The following CCDC178 variants were observed in gnomAD, a reference collection of about 807,000 sequenced individuals.
CCDC178 encodes coiled-coil domain containing 178, also known as coiled-coil domain-containing protein 178.
In CCDC178, 126 loss-of-function variants were observed where a neutral mutation model predicts 117.4. The observed-to-expected ratio is 1.07, with a 90% CI of 0.93 to 1.24. The LOEUF (loss-of-function observed/expected upper bound fraction) is 1.24. Among genes scored for constraint, CCDC178 ranks in the 50% most tolerant of loss-of-function variants. The pLI is 0.00. For synonymous variants in CCDC178, 283 were observed against 313.4 expected, an observed-to-expected ratio of 0.90 and a Z score of 1.02; for missense variants, 1,030 against 986.9, an observed-to-expected ratio of 1.04 and a Z score of -0.59.
chr18:33,098,832 A>G (rs1366687933), intron 20 of CCDC178, among the ~76,000 whole-genome samples: 1 of 152,042 alleles, frequency 6.6e-6, no homozygotes, highest in African/African-American at 2.4e-5. Flanking sequence ...AATTAAAAAA[A>G]GGATAAGATA....
chr18:33,430,311 T>A (rs983975372), intron 2 of CCDC178, among the ~76,000 whole-genome samples: 2 of 152,226 alleles, frequency 1.3e-5, no homozygotes, highest in Non-Finnish European at 2.9e-5. Flanking sequence ...ATGAAACACT[T>A]TTGATGAAAT....
chr18:33,080,122 T>C lies in CCDC178; in HGVS notation c.2388+12639A>G, dbSNP rs2057274862. Among the ~76,000 whole-genome samples, 3 of 152,086 alleles carry C rather than the reference T, an allele frequency of 2.0e-5. No individual in the cohort carries two copies. In the South Asian group the frequency reaches 6.2e-4, roughly 32 times the overall value. On this transcript the variant is annotated intron_variant, in intron 21 of 22. Transcript: ENST00000383096. ...AAAAAGAATGAGATCATGTCTTTTGTGGGAATGTGGATGGAGCTGGAGGCT... is the reference window on the plus strand; with the variant it reads ...AAAAAGAATGAGATCATGTCTTTTGCGGGAATGTGGATGGAGCTGGAGGCT...
intron 9 of CCDC178, among the ~76,000 whole-genome samples, chr18:33,343,272 A>G (rs772445410): frequency 8.5e-5 from 13 of 152,170 alleles, no homozygotes; most frequent in South Asian, 8.3e-4. Flanking sequence ...TTTGGGTATA[A>G]TATAATATAG....
chr18:33,324,892 A>G (rs1483838867), intron 10 of CCDC178, among the ~76,000 whole-genome samples: 1 of 151,892 alleles, frequency 6.6e-6, no homozygotes, highest in African/African-American at 2.4e-5. Context: ...AAAGTATGGA[A>G]AAAAACTTTA....
intron 21 of CCDC178, among the ~76,000 whole-genome samples, chr18:33,016,546 A>G (rs1188642337): frequency 1.3e-5 from 2 of 152,074 alleles, no homozygotes; most frequent in Non-Finnish European, 2.9e-5. Flanking sequence ...AGACAATTGA[A>G]TAAAGAAATA....
At chr18:33,355,139 T>G (rs925025453) in intron 7 of CCDC178, among the ~76,000 whole-genome samples, 3 of 152,198 alleles carry the variant, frequency 2.0e-5, no homozygotes, top group African/African-American at 7.2e-5. Flanking sequence ...CAAGCTTTCT[T>G]TTCTTTGCAT....
intron 9 of CCDC178, among the ~76,000 whole-genome samples, chr18:33,338,590 T>C (rs958413635): frequency 1.3e-5 from 2 of 152,152 alleles, no homozygotes; most frequent in Non-Finnish European, 2.9e-5. Context: ...AATAATGGCA[T>C]TCACAGCAAC....
chr18:33,028,944 T>G (rs1185598895), intron 21 of CCDC178, among the ~76,000 whole-genome samples: 1 of 151,930 alleles, frequency 6.6e-6, no homozygotes, highest in African/African-American at 2.4e-5. Flanking sequence ...TAAGGATTTT[T>G]GTGTCTATAT....
At chr18:32,952,247 C>T (rs1252815248) in intron 22 of CCDC178, among the ~76,000 whole-genome samples, 1 of 152,274 alleles carries the variant, frequency 6.6e-6, no homozygotes, top group East Asian at 1.9e-4. Flanking sequence ...CATTTCCCTT[C>T]TGCACTGCCC....
chr18:33,367,578 T>G (rs2063229561), intron 6 of CCDC178, among the ~76,000 whole-genome samples: 1 of 152,006 alleles, frequency 6.6e-6, no homozygotes, highest in South Asian at 2.1e-4. Context: ...ATGGGAAGAT[T>G]TTTTTCTTAT....
intron 22 of CCDC178, among the ~76,000 whole-genome samples, chr18:32,940,329 A>G (rs149850301): frequency 6.6e-6 from 1 of 152,120 alleles, no homozygotes; most frequent in East Asian, 1.9e-4. Flanking sequence ...TCTTTCATTA[A>G]CTTTTATCAA....
At chr18:33,248,282 AT>A (rs1352761839) in intron 14 of CCDC178, among the ~76,000 whole-genome samples, 2 of 151,312 alleles carry the variant, frequency 1.3e-5, no homozygotes, top group Admixed American at 1.3e-4. Context: ...TTTTATTTTT[AT>A]TTTTTATACT....
rs540102792 is a variant in CCDC178, at chr18:33,395,611, G to A, written c.118+1538C>T. On this transcript the variant is annotated intron_variant, in intron 4 of 22. Coordinates refer to ENST00000383096, the MANE Select transcript of CCDC178 (RefSeq NM_001105528.4). ...GGTTTTCATCATTGGACACTCTACCGAAGCCTCTATGCTTGAATTTGTTTT... is the reference window on the plus strand; with the variant it reads ...GGTTTTCATCATTGGACACTCTACCAAAGCCTCTATGCTTGAATTTGTTTT... Among the ~76,000 whole-genome samples, 6 of 152,134 alleles carry A rather than the reference G, an allele frequency of 3.9e-5. No homozygotes were observed. The South Asian group carries it at 1.0e-3, about 26-fold the overall frequency.
chr18:33,149,198 A>C (rs2058311810), intron 20 of CCDC178, among the ~76,000 whole-genome samples: 1 of 152,180 alleles, frequency 6.6e-6, no homozygotes, highest in African/African-American at 2.4e-5. Flanking sequence ...AAAAATCCAC[A>C]CACTGTGGAA....
At chr18:33,271,062 T>C (rs2059882854) in intron 12 of CCDC178, among the ~76,000 whole-genome samples, 1 of 151,458 alleles carries the variant, frequency 6.6e-6, no homozygotes, top group Non-Finnish European at 1.5e-5. Flanking sequence ...GTAAATTACA[T>C]TGTGAATTCC....
chr18:33,079,032 T>C (rs1467225112), intron 21 of CCDC178, among the ~76,000 whole-genome samples: 5 of 152,024 alleles, frequency 3.3e-5, no homozygotes, highest in African/African-American at 2.4e-5. Context: ...AACTATATTA[T>C]AGGGCTACAG....
intron 5 of CCDC178, among the ~76,000 whole-genome samples, chr18:33,388,660 C>T (rs2144818046): frequency 6.8e-6 from 1 of 147,836 alleles, no homozygotes; most frequent in Admixed American, 6.8e-5. Flanking sequence ...GCTGGGACTA[C>T]AGGCGCCCGC....
intron 21 of CCDC178, among the ~76,000 whole-genome samples, chr18:33,018,981 T>C (rs1317026205): frequency 1.3e-5 from 2 of 152,176 alleles, no homozygotes. Flanking sequence ...TTTTATGAGA[T>C]ACTTCTCTAC....
chr18:33,254,772 T>C (rs557838390), intron 14 of CCDC178, among the ~76,000 whole-genome samples: 1 of 152,074 alleles, frequency 6.6e-6, no homozygotes, highest in Admixed American at 6.6e-5. Flanking sequence ...TAAATTCCTA[T>C]CAGAAGAATA....
Sources: allele counts gnomAD v4.1 joint callset (sites outside exome capture counted in the v4.1 genomes callset), GRCh38; gene constraint gnomAD v4.1.1; transcripts MANE v1.5; gene names NCBI Gene and HGNC (gene_info 2026-07-23, HGNC 2026-07-21).